Variants in HSD17B12 observed in about 807,000 individuals in gnomAD.
HSD17B12 encodes the protein very-long-chain 3-oxoacyl-CoA reductase.
In HSD17B12, 32 loss-of-function variants were observed where a neutral mutation model predicts 39.3. The ratio of observed to expected loss-of-function variants is 0.81; its 90% CI spans 0.61 to 1.09. The LOEUF (loss-of-function observed/expected upper bound fraction) is 1.09. Ranked by LOEUF, HSD17B12 falls within the 50% of genes least tolerant of loss-of-function variation. HSD17B12 has a pLI of 0.00. For missense variants in HSD17B12, 342 were observed against 382.9 expected (o/e 0.89, Z 0.89); for synonymous variants, 150 against 146.7 (o/e 1.02, Z -0.16).
the HSD17B12 span, among the ~76,000 whole-genome samples, chr11:43,672,363 T>C: frequency 6.6e-6 from 1 of 151,808 alleles, no homozygotes; most frequent in African/African-American, 2.4e-5. Flanking sequence ...CCTTCATTTT[T>C]AGTGAAGACA....
rs1305708490 is a variant in HSD17B12 at position 43,771,553 on chromosome 11, A to G, written c.283+17432A>G. 2.3e-5 allele frequency among the ~76,000 whole-genome samples: 3 copies of G among 129,842 alleles called. No individual in the cohort carries two copies. The East Asian group carries it at 6.9e-4, about 30-fold the overall frequency. 85.2% of individuals were successfully genotyped at this position (129,842 alleles called of 152,430 possible). A position where few individuals can be genotyped will look rare whatever the true frequency, so the allele number is the denominator to read the frequency against. On this transcript the variant is annotated intron_variant, in intron 3 of 10. Transcript: ENST00000278353. The stretch of plus-strand genomic sequence containing the variant: ...GCAATCTCAGCTCACTGCAACCTCC[A>G]CCTCCCGGGCTCAAGTGATTCTCCT...
chr11:43,586,904 G>A, the HSD17B12 span, among the ~76,000 whole-genome samples: 1 of 152,122 alleles, frequency 6.6e-6, no homozygotes, highest in Non-Finnish European at 1.5e-5. Flanking sequence ...CCATTTCAGA[G>A]ATACACTTTC....
chr11:43,764,150 G>A (rs2134971565), intron 3 of HSD17B12, among the ~76,000 whole-genome samples: 1 of 152,206 alleles, frequency 6.6e-6, no homozygotes, highest in East Asian at 1.9e-4. Context: ...AATTAGGAGT[G>A]TAATGTGAAA....
At chr11:43,656,191 G>A in the HSD17B12 span, among the ~76,000 whole-genome samples, 25 of 152,068 alleles carry the variant, frequency 1.6e-4, no homozygotes, top group Non-Finnish European at 2.6e-4. Flanking sequence ...GTTTATTTGC[G>A]TAGAGGTGTT....
chr11:43,754,804 G>C, intron 3 of HSD17B12: 1 of 738,378 alleles, frequency 1.4e-6, no homozygotes, highest in Non-Finnish European at 2.5e-6. Flanking sequence ...TAACACATAT[G>C]TGTTAGGAAA....
At chr11:43,663,607 C>G in the HSD17B12 span, among the ~76,000 whole-genome samples, 1 of 152,140 alleles carries the variant, frequency 6.6e-6, no homozygotes, top group Non-Finnish European at 1.5e-5. Flanking sequence ...AGCCTTCAAA[C>G]ATTTTAAACC....
intron 1 of HSD17B12, among the ~76,000 whole-genome samples, chr11:43,726,662 T>C (rs1590697609): frequency 6.6e-6 from 1 of 152,342 alleles, no homozygotes; most frequent in African/African-American, 2.4e-5. Flanking sequence ...AGAAGAATTT[T>C]CCAATTTCAA....
chr11:43,743,419 G>A (rs907400190), intron 1 of HSD17B12, among the ~76,000 whole-genome samples: 3 of 152,260 alleles, frequency 2.0e-5, no homozygotes, highest in African/African-American at 7.2e-5. Flanking sequence ...AGACACCTGA[G>A]TCCTCATAGT....
intron 4 of HSD17B12, among the ~76,000 whole-genome samples, chr11:43,810,571 T>A (rs1951063357): frequency 6.6e-6 from 1 of 152,084 alleles, no homozygotes; most frequent in Non-Finnish European, 1.5e-5. Flanking sequence ...TCCTCTGCCC[T>A]CCACCACCTT....
chr11:43,617,770 G>A, the HSD17B12 span, among the ~76,000 whole-genome samples: 2 of 152,090 alleles, frequency 1.3e-5, no homozygotes, highest in Non-Finnish European at 2.9e-5. Context: ...GGACCTTCAA[G>A]TGCCCGTTCT....
intron 2 of HSD17B12, among the ~76,000 whole-genome samples, chr11:43,752,147 T>C (rs568552215): frequency 1.3e-5 from 2 of 152,196 alleles, no homozygotes; most frequent in South Asian, 4.1e-4. Flanking sequence ...CAGACAAACT[T>C]GGATTTGTCC....
intron 3 of HSD17B12, among the ~76,000 whole-genome samples, chr11:43,795,947 G>A (rs1950912479): frequency 6.6e-6 from 1 of 152,188 alleles, no homozygotes; most frequent in East Asian, 1.9e-4. Flanking sequence ...GGGTGGGCAA[G>A]GCAGGCTTCT....
chr11:43,696,402 A>G (rs1351424191), intron 1 of HSD17B12, among the ~76,000 whole-genome samples: 1 of 152,238 alleles, frequency 6.6e-6, no homozygotes, highest in Non-Finnish European at 1.5e-5. Context: ...TGTGGCCAAG[A>G]AACATATGAA....
At chr11:43,819,875 T>C (rs900453903) in intron 6 of HSD17B12, among the ~76,000 whole-genome samples, 1 of 152,216 alleles carries the variant, frequency 6.6e-6, no homozygotes, top group African/African-American at 2.4e-5. Flanking sequence ...AAGCATCCCT[T>C]CATTTATCTT....
chr11:43,820,728 GAAT>G (rs1951174449), intron 6 of HSD17B12, among the ~76,000 whole-genome samples: 1 of 152,194 alleles, frequency 6.6e-6, no homozygotes, highest in African/African-American at 2.4e-5. Context: ...ACATGACAGG[GAAT>G]AACTGGCTGA....
the HSD17B12 span, among the ~76,000 whole-genome samples, chr11:43,571,707 C>CA: frequency 9.0e-4 from 135 of 149,696 alleles, no homozygotes; most frequent in African/African-American, 2.2e-3. Flanking sequence ...TGATGGCAAC[C>CA]AAAAAAAAAG....
chr11:43,556,786 A>G, the HSD17B12 span: 1 of 149,642 alleles, frequency 6.7e-6, no homozygotes. Flanking sequence ...GTGCAGACAC[A>G]TAACGTGAAA....
rs1950648998 is a variant in HSD17B12 at position 43,771,479 on chromosome 11, T to C, written c.283+17358T>C. 2.8e-5 allele frequency among the ~76,000 whole-genome samples: 4 copies of C among 145,328 alleles called. 1 individual carries two copies. In the South Asian group the frequency reaches 9.0e-4, roughly 33 times the overall value. On this transcript the variant is annotated intron_variant, in intron 3 of 10. Coordinates refer to ENST00000278353, the MANE Select transcript of HSD17B12 (RefSeq NM_016142.3). ...CTCATATTCTTTTTTTTTTTTTTTTTTTTTTGAGACAGAGTATCGCTCTGT... is the reference window on the plus strand; with the variant it reads ...CTCATATTCTTTTTTTTTTTTTTTTCTTTTTGAGACAGAGTATCGCTCTGT...
the HSD17B12 span, among the ~76,000 whole-genome samples, chr11:43,655,394 TA>T: frequency 6.6e-6 from 1 of 152,198 alleles, no homozygotes; most frequent in African/African-American, 2.4e-5. Flanking sequence ...GAATGCCCTT[TA>T]TTTCCTTCTC....
Sources: gnomAD v4.1 joint callset for allele counts (sites outside exome capture counted in the v4.1 genomes callset) on GRCh38, gnomAD v4.1.1 for gene constraint, MANE v1.5 for transcripts, NCBI Gene and HGNC (gene_info 2026-07-23, HGNC 2026-07-21) for gene names.